FRMD4B: variants seen among roughly 807,000 people sequenced by gnomAD.
FRMD4B encodes the protein FERM domain-containing protein 4B.
In FRMD4B, 74 loss-of-function variants were observed where a neutral mutation model predicts 141.5. That is an observed-to-expected ratio of 0.52 (90% CI 0.43 to 0.63). FRMD4B has a LOEUF of 0.63. Ranked by LOEUF, FRMD4B falls within the 30% of genes least tolerant of loss-of-function variation. The probability of loss-of-function intolerance (pLI) is 0.00; values close to 1 mark genes in which losing one functional copy is unlikely to be tolerated. For synonymous variants in FRMD4B, 506 were observed against 467.9 expected, an observed-to-expected ratio of 1.08 and a Z score of -1.05; for missense variants, 1,366 against 1,253.4, an observed-to-expected ratio of 1.09 and a Z score of -1.36.
intron 2 of FRMD4B, among the ~76,000 whole-genome samples, chr3:69,425,070 A>AT (rs899953075): frequency 2.0e-5 from 3 of 152,172 alleles, no homozygotes; most frequent in Non-Finnish European, 4.4e-5. Flanking sequence ...GTGATGTGCT[A>AT]TTAGTGTTTT....
intron 1 of FRMD4B, among the ~76,000 whole-genome samples, chr3:69,493,413 C>A (rs1193786100): frequency 1.3e-5 from 2 of 152,146 alleles, no homozygotes; most frequent in Non-Finnish European, 2.9e-5. Flanking sequence ...CCATCTCCTG[C>A]CTTAATCATT....
chr3:69,338,930 A>C lies in FRMD4B; in HGVS notation c.163-25413T>G, dbSNP rs535560330. Among the ~76,000 whole-genome samples the C allele has an allele frequency of 3.3e-5, 5 of 152,332 alleles. No homozygotes were observed. In the East Asian group the frequency reaches 7.7e-4, roughly 24 times the overall value. On this transcript the variant is annotated intron_variant, in intron 1 of 22. Coordinates refer to ENST00000398540, the MANE Select transcript of FRMD4B (RefSeq NM_015123.3). ...GTATAGTGCTTGGCACATAGTAAGC[A>C]CCCAATACCTATTAAAACTATTCTT...
chr3:69,298,094 G>T (rs1701089978), intron 4 of FRMD4B, among the ~76,000 whole-genome samples: 1 of 152,142 alleles, frequency 6.6e-6, no homozygotes, highest in Non-Finnish European at 1.5e-5. Flanking sequence ...GGACCTCAGG[G>T]TTTAGCTCAG....
At chr3:69,264,017 T>A (rs1201304232) in intron 5 of FRMD4B, among the ~76,000 whole-genome samples, 3 of 148,858 alleles carry the variant, frequency 2.0e-5, no homozygotes, top group Non-Finnish European at 4.5e-5. Context: ...GAGACTGGGT[T>A]TTGCCATGTT....
intron 1 of FRMD4B, among the ~76,000 whole-genome samples, chr3:69,469,947 CA>C (rs905984618): frequency 6.6e-6 from 1 of 152,106 alleles, no homozygotes; most frequent in African/African-American, 2.4e-5. Context: ...GCGAATGTTT[CA>C]GATTAACAGC....
intron 1 of FRMD4B, among the ~76,000 whole-genome samples, chr3:69,453,092 C>T (rs1279674263): frequency 6.6e-6 from 1 of 152,282 alleles, no homozygotes; most frequent in East Asian, 1.9e-4. Context: ...TACTGGACAA[C>T]ACAATTCCAG....
chr3:69,352,405 A>G (rs961810643), intron 1 of FRMD4B, among the ~76,000 whole-genome samples: 7 of 152,212 alleles, frequency 4.6e-5, no homozygotes, highest in African/African-American at 1.7e-4. Context: ...GCAAAAGGGT[A>G]CTATTCCAGT....
chr3:69,395,866 G>A (rs551582700), intron 2 of FRMD4B, among the ~76,000 whole-genome samples: 2 of 152,284 alleles, frequency 1.3e-5, no homozygotes, highest in South Asian at 4.1e-4. Context: ...GGAAAGAAGA[G>A]AAGAACTGCA....
At chr3:69,478,904 A>G (rs961249186) in intron 1 of FRMD4B, among the ~76,000 whole-genome samples, 3 of 151,084 alleles carry the variant, frequency 2.0e-5, no homozygotes, top group African/African-American at 7.3e-5. Context: ...TTGGGTGCAT[A>G]TATATTTAGG....
intron 22 of FRMD4B, among the ~76,000 whole-genome samples, chr3:69,175,799 G>T (rs2092638575): frequency 8.4e-6 from 1 of 119,370 alleles, no homozygotes; most frequent in African/African-American, 3.1e-5. Flanking sequence ...TTTTGAGACG[G>T]AGATGGAGTC....
intron 3 of FRMD4B, among the ~76,000 whole-genome samples, chr3:69,308,457 G>A (rs1701466346): frequency 7.0e-6 from 1 of 143,530 alleles, no homozygotes; most frequent in African/African-American, 2.6e-5. Context: ...TTTTTGTTTG[G>A]GACAGGATCT....
chr3:69,287,149 G>T (rs1700715181), intron 5 of FRMD4B, among the ~76,000 whole-genome samples: 1 of 152,158 alleles, frequency 6.6e-6, no homozygotes, highest in Admixed American at 6.5e-5. Flanking sequence ...ATCCCAGCAT[G>T]GGATTATTTT....
chr3:69,460,711 A>G (rs1705695121), intron 1 of FRMD4B, among the ~76,000 whole-genome samples: 1 of 152,190 alleles, frequency 6.6e-6, no homozygotes, highest in African/African-American at 2.4e-5. Flanking sequence ...ATGGAAACAA[A>G]TGGGTGTGTC....
At chr3:69,296,194 C>T (rs1161348748) in intron 4 of FRMD4B, among the ~76,000 whole-genome samples, 1 of 152,116 alleles carries the variant, frequency 6.6e-6, no homozygotes, top group African/African-American at 2.4e-5. Context: ...CACAGACAGA[C>T]AAACGCACAC....
intron 6 of FRMD4B, 92 bp from the exon 7 acceptor site, chr3:69,249,340 C>T (rs1345028957): frequency 4.3e-5 from 36 of 842,286 alleles, no homozygotes; most frequent in Non-Finnish European, 6.5e-5. Flanking sequence ...TCTTAAAGTT[C>T]CTGAGTTTTG....
intron 11 of FRMD4B, among the ~76,000 whole-genome samples, chr3:69,210,495 T>C (rs760578479): frequency 9.9e-5 from 15 of 152,166 alleles, no homozygotes; most frequent in Non-Finnish European, 1.9e-4. Context: ...AGTTGAGTTC[T>C]GGTACGTTTT....
At chr3:69,205,188 A>G in intron 11 of FRMD4B, among the ~76,000 whole-genome samples, 1 of 148,702 alleles carries the variant, frequency 6.7e-6, no homozygotes, top group Non-Finnish European at 1.5e-5. Context: ...TTTGTATGAG[A>G]TAGGGTCTTG....
At chr3:69,320,410 T>C (rs1316138516) in intron 1 of FRMD4B, among the ~76,000 whole-genome samples, 1 of 151,774 alleles carries the variant, frequency 6.6e-6, no homozygotes. Flanking sequence ...CTGGGCGACA[T>C]AGTGAGAAAC....
chr3:69,429,811 G>A (rs924899886), intron 2 of FRMD4B, among the ~76,000 whole-genome samples: 1 of 135,710 alleles, frequency 7.4e-6, no homozygotes. Context: ...CCAGACTGGT[G>A]TGCAGTGGCA....
Sources: allele counts gnomAD v4.1 joint callset (sites outside exome capture counted in the v4.1 genomes callset), GRCh38; gene constraint gnomAD v4.1.1; transcripts MANE v1.5; gene names NCBI Gene and HGNC (gene_info 2026-07-23, HGNC 2026-07-21).